ZDHHC24: variants seen among roughly 807,000 people sequenced by gnomAD.
ZDHHC24 encodes zDHHC palmitoyltransferase 24, also known as probable palmitoyltransferase ZDHHC24.
In ZDHHC24, 17 loss-of-function variants were observed where a neutral mutation model predicts 23.2. That is an observed-to-expected ratio of 0.73 (90% CI 0.50 to 1.10). ZDHHC24 has a LOEUF of 1.10. ZDHHC24 is among the 50% of genes least tolerant of loss of function. The pLI, the probability that ZDHHC24 is intolerant of heterozygous loss-of-function variation, is 0.00. For missense variants in ZDHHC24, 366 were observed against 393.0 expected (o/e 0.93, Z 0.58); for synonymous variants, 186 against 194.5 (o/e 0.96, Z 0.36).
Position 66,539,253 on chromosome 11 carries a change from G to A in ZDHHC24, c.*276C>T, listed in dbSNP as rs1857072540. 6 of 1,168,580 alleles carry A rather than the reference G, an allele frequency of 5.1e-6. No homozygotes were observed. Among genetic ancestry groups the A allele is most frequent in the South Asian group, 7.9e-5 (2 of 25,196 alleles). The allele number at this position is 1,168,580 out of a possible 1,614,324, so 72.4% of individuals were successfully genotyped here. ...GGCCAGAAACTATGCAAAGATGGAGGGAGGCTGAGAAACAAGTCAGTGCTT... is the reference window on the plus strand; with the variant it reads ...GGCCAGAAACTATGCAAAGATGGAGAGAGGCTGAGAAACAAGTCAGTGCTT... On this transcript the variant is annotated 3_prime_UTR_variant, in exon 3 of 3. Coordinates refer to ENST00000310442, the MANE Select transcript of ZDHHC24 (RefSeq NM_207340.3).
In ZDHHC24 at chr11:66,545,971, G is replaced by A. The variant is rs2134905542; in HGVS notation, c.33C>T (p.Asp11=). Residue 11 remains aspartate, a synonymous_variant, in exon 1 of 3, where the codon GAC becomes GAT. Transcript: ENST00000310442. The surrounding 1 kb of genome is among the most constrained non-coding windows in gnomAD (Gnocchi z 4.5). ...CGAGAGGCAGCTGCGCGGGCGCCCC[G>A]TCCGTGCTCCCAGCCGCCCAGGGCT... The part of the protein sequence containing the change: MGQPWAAGST[D]GAPAQLPLVL... 3 of 1,422,848 alleles carry A rather than the reference G, an allele frequency of 2.1e-6. No homozygotes were observed. The highest frequency in any genetic ancestry group is 1.5e-5 in the South Asian group (1 of 65,662). The allele number at this position is 1,422,848 out of a possible 1,614,324, so 88.1% of individuals were successfully genotyped here. A position where few individuals can be genotyped will look rare whatever the true frequency, so the allele number is the denominator to read the frequency against.
At chr11:66,526,871 G>A (rs776904794) in intron 4 of ZDHHC24, 706 of 1,613,594 alleles carry the variant, frequency 4.4e-4, no homozygotes, top group Non-Finnish European at 5.7e-4. Flanking sequence ...GCAAAGCTGG[G>A]GGAATGCTGC....
At chr11:66,523,631 TG>T (rs1207374124) in intron 4 of ZDHHC24, 2 of 1,612,844 alleles carry the variant, frequency 1.2e-6, no homozygotes, top group African/African-American at 2.7e-5. Flanking sequence ...AGCCCCCACT[TG>T]GCAAGAGAGT....
At chr11:66,529,187 G>A in intron 3 of ZDHHC24, 1 of 1,461,378 alleles carries the variant, frequency 6.8e-7, no homozygotes, top group East Asian at 2.5e-5. Context: ...GAGGGACAGT[G>A]GGGTGGGGGC....
At chr11:66,521,276 C>T in exon 5 of ZDHHC24, 3 of 1,614,024 alleles carry the variant, frequency 1.9e-6, no homozygotes, top group Non-Finnish European at 2.5e-6. Flanking sequence ...GCAGATGAGC[C>T]TTCCCAGCGT....
At position 66,539,640 on chromosome 11, in the gene ZDHHC24, G is replaced by C; in HGVS notation, c.744C>G (p.Ala248=). The change falls in exon 3 of 3, where the codon GCC becomes GCG. Residue 248 remains alanine (A), a synonymous_variant. Transcript: ENST00000310442. The stretch of plus-strand genomic sequence containing the variant: ...AGACGAGGGCCCAGCGGGGCCCCAG[G>C]GCTGCCTGCAGGTTGTGGCAGGGAC... ...DLGPCHNLQA[A]LGPRWALVWL... The C allele has an allele frequency of 1.2e-6, 2 of 1,612,562 alleles. No homozygotes were observed. Among genetic ancestry groups the C allele is most frequent in the Middle Eastern group, 1.7e-4 (1 of 6,044 alleles).
intron 4 of ZDHHC24, chr11:66,523,624 C>G (rs1856346318): frequency 9.9e-6 from 16 of 1,613,118 alleles, no homozygotes; most frequent in Non-Finnish European, 1.2e-5. Flanking sequence ...TGTCCCTAGC[C>G]CCCACTTGGC....
Position 66,539,839 on chromosome 11 carries a change from CAG to C in ZDHHC24, c.560-17_560-16del, listed in dbSNP as rs1439329172. On this transcript the variant is annotated splice_polypyrimidine_tract_variant and intron_variant, in intron 2 of 2. Coordinates refer to ENST00000310442, the MANE Select transcript of ZDHHC24 (RefSeq NM_207340.3). Reference sequence around the variant, plus strand: ...AGACACTCTGCCTGCAATAAAAGAGCAGAGAGGGTCAGGGAGGGGCAGTGGGG... The same window carrying C: ...AGACACTCTGCCTGCAATAAAAGAGCAGAGGGTCAGGGAGGGGCAGTGGGG... 10 of 1,574,376 alleles carry C rather than the reference CAG, an allele frequency of 6.4e-6. No individual in the cohort carries two copies. In the African/African-American group the frequency reaches 1.2e-4, roughly 19 times the overall value.
At chr11:66,531,564 G>A (rs1856780873), downstream of ZDHHC24, 4 of 1,540,712 alleles carry the variant, frequency 2.6e-6, no homozygotes, top group Admixed American at 6.7e-5. Context: ...GGGGTGCTGA[G>A]GCTCAGTGGA....
chr11:66,523,379 G>A (rs1220815613), intron 4 of ZDHHC24: 3 of 1,607,566 alleles, frequency 1.9e-6, no homozygotes, highest in Non-Finnish European at 2.6e-6. Context: ...AGTCCATGAG[G>A]TTTAGACAGA....
chr11:66,522,183 C>G (rs1856266886), intron 4 of ZDHHC24, among the ~76,000 whole-genome samples: 1 of 151,118 alleles, frequency 6.6e-6, no homozygotes, highest in Admixed American at 6.6e-5. Context: ...CGCCACTGCC[C>G]TCCAGCCTGG....
downstream of ZDHHC24, chr11:66,530,985 T>G (rs752247232): frequency 8.1e-6 from 13 of 1,614,106 alleles, no homozygotes; most frequent in South Asian, 1.1e-5. Context: ...GTCTGCTTCC[T>G]GTACAACGAG....
rs1478893563 is a variant in ZDHHC24 at position 66,539,345 on chromosome 11, T to C, written c.*184A>G. 1 of 1,322,974 alleles carries C rather than the reference T, an allele frequency of 7.6e-7. No individual in the cohort carries two copies. The allele number at this position is 1,322,974 out of a possible 1,614,324, so 82.0% of individuals were successfully genotyped here. A position where few individuals can be genotyped will look rare whatever the true frequency, so the allele number is the denominator to read the frequency against. ...CCTGCCAGACCCTCCTCTGCACTCC[T>C]CTGCCTAAGTCACGGCCCAAGCCCT... On this transcript the variant is annotated 3_prime_UTR_variant, in exon 3 of 3. Transcript: ENST00000310442.
downstream of ZDHHC24, chr11:66,533,542 T>C (rs867592415): frequency 3.3e-5 from 5 of 152,396 alleles, no homozygotes; most frequent in Middle Eastern, 0.017. Context: ...TCTATTACTA[T>C]GTGAAAGTTA....
At chr11:66,521,232 T>G in exon 5 of ZDHHC24, 3 of 1,526,672 alleles carry the variant, frequency 2.0e-6, no homozygotes, top group Non-Finnish European at 2.7e-6. Flanking sequence ...GGACGGGGGC[T>G]CCAGAGAAAT....
In ZDHHC24 at chr11:66,538,597, T is replaced by C. The variant is rs1162517826; in HGVS notation, c.*932A>G. 5 of 152,340 alleles carry C rather than the reference T, an allele frequency of 3.3e-5. No individual in the cohort carries two copies. The East Asian group carries it at 9.6e-4, about 29-fold the overall frequency. 9.4% of individuals were successfully genotyped at this position (152,340 alleles called of 1,614,324 possible). On this transcript the variant is annotated 3_prime_UTR_variant, in exon 3 of 3. Transcript: ENST00000310442. ...TGTTCTACTGTCTTCCCTCCTGTTT[T>C]CTTTCCCTTTGTATTATTTTTGATT...
At chr11:66,520,920 T>C, downstream of ZDHHC24, 1 of 354,016 alleles carries the variant, frequency 2.8e-6, no homozygotes, top group South Asian at 2.3e-5. Flanking sequence ...AGTTTTGCCA[T>C]GTTGGACAGG....
downstream of ZDHHC24, chr11:66,531,015 G>T (rs142648652): frequency 9.9e-6 from 16 of 1,614,090 alleles, no homozygotes; most frequent in Admixed American, 2.0e-4. Flanking sequence ...TCCCTGCCCC[G>T]GGCCTTCTTC....
At chr11:66,532,257 T>A (rs1195189211), downstream of ZDHHC24, 2 of 586,548 alleles carry the variant, frequency 3.4e-6, no homozygotes, top group East Asian at 5.7e-5. Context: ...CAACCCAGCA[T>A]GGTCCCACTG....
Sources: allele counts gnomAD v4.1 joint callset (sites outside exome capture counted in the v4.1 genomes callset), GRCh38; gene constraint gnomAD v4.1.1; non-coding constraint Gnocchi (gnomAD v3.1); transcripts MANE v1.5; gene names NCBI Gene and HGNC (gene_info 2026-07-23, HGNC 2026-07-21).